PLPP4: variants seen among roughly 807,000 people sequenced by gnomAD.
PLPP4 encodes the protein diacylglycerol pyrophosphate like 2.
A neutral mutation model predicts 32.2 loss-of-function variants in PLPP4; 20 were observed. The ratio of observed to expected loss-of-function variants is 0.62; its 90% CI spans 0.44 to 0.90. The LOEUF is 0.90. Among genes scored for constraint, PLPP4 ranks in the 40% least tolerant of loss-of-function variants. The pLI is 0.00. For synonymous variants in PLPP4, 127 were observed against 133.0 expected, an observed-to-expected ratio of 0.95 and a Z score of 0.31; for missense variants, 257 against 353.1, an observed-to-expected ratio of 0.73 and a Z score of 2.18.
At chr10:120,473,798 C>T (rs1589724173) in intron 1 of PLPP4, among the ~76,000 whole-genome samples, 2 of 152,098 alleles carry the variant, frequency 1.3e-5, no homozygotes, top group African/African-American at 2.4e-5. Context: ...TGCCAGGTGA[C>T]GATGTGCTCG....
chr10:120,579,586 T>C (rs1285995476), intron 6 of PLPP4, among the ~76,000 whole-genome samples: 1 of 152,238 alleles, frequency 6.6e-6, no homozygotes, highest in African/African-American at 2.4e-5. Context: ...AAAATACTTC[T>C]GGCCTCAAGA....
rs531948596 is a variant in PLPP4 at position 120,516,592 on chromosome 10, A to G, written c.257-2241A>G. On this transcript the variant is annotated intron_variant, in intron 3 of 6. Coordinates refer to ENST00000398250, the MANE Select transcript of PLPP4 (RefSeq NM_001030059.3). ...GCGTCCTGAGTACAGGCTGCTTACA[A>G]GCCGACTCACGGGACATGTTGCTTT... Among the ~76,000 whole-genome samples, 44 of 152,366 alleles carry G rather than the reference A, an allele frequency of 2.9e-4. 1 individual carries two copies. In the South Asian group the frequency reaches 5.8e-3, roughly 20 times the overall value.
At chr10:120,542,134 G>A (rs1039935215) in intron 5 of PLPP4, among the ~76,000 whole-genome samples, 5 of 152,184 alleles carry the variant, frequency 3.3e-5, no homozygotes, top group African/African-American at 1.2e-4. Flanking sequence ...CTAGCCTCCA[G>A]CTTGGAGGTG....
chr10:120,478,131 A>G (rs1844022108), intron 1 of PLPP4, among the ~76,000 whole-genome samples: 1 of 152,166 alleles, frequency 6.6e-6, no homozygotes, highest in South Asian at 2.1e-4. Flanking sequence ...TGGACCAAGG[A>G]GGGAGATGGC....
At chr10:120,479,857 C>A (rs1201745625) in intron 1 of PLPP4, among the ~76,000 whole-genome samples, 1 of 152,152 alleles carries the variant, frequency 6.6e-6, no homozygotes, top group Non-Finnish European at 1.5e-5. Context: ...GTATGAGGTC[C>A]TTTTCCATGA....
intron 1 of PLPP4, among the ~76,000 whole-genome samples, chr10:120,477,916 C>T (rs904702347): frequency 4.6e-5 from 7 of 152,104 alleles, no homozygotes; most frequent in African/African-American, 7.2e-5. Context: ...CTTGTCTGGC[C>T]GACATGCAGA....
chr10:120,505,075 A>G (rs1845432986), intron 2 of PLPP4, among the ~76,000 whole-genome samples: 1 of 152,250 alleles, frequency 6.6e-6, no homozygotes, highest in South Asian at 2.1e-4. Flanking sequence ...AGCTTAAGAA[A>G]TGGTGGTCTA....
At chr10:120,504,435 T>G (rs1474341061) in intron 2 of PLPP4, among the ~76,000 whole-genome samples, 1 of 152,190 alleles carries the variant, frequency 6.6e-6, no homozygotes, top group Non-Finnish European at 1.5e-5. Context: ...ATGAAAGATT[T>G]AAAGAAGCAA....
intron 5 of PLPP4, among the ~76,000 whole-genome samples, chr10:120,540,629 C>A (rs1426353745): frequency 2.0e-5 from 3 of 152,234 alleles, no homozygotes; most frequent in African/African-American, 7.2e-5. Context: ...CTGCTGGGCA[C>A]CCTTGGGCCC....
chr10:120,545,475 C>T lies in PLPP4; in HGVS notation c.445+24380C>T, dbSNP rs147547586. Among the ~76,000 whole-genome samples, 629 of 152,262 alleles carry T rather than the reference C, an allele frequency of 4.1e-3. 3 individuals are homozygous for T. Among genetic ancestry groups the T allele is most frequent in the African/African-American group, 0.014 (583 of 41,546 alleles). On this transcript the variant is annotated intron_variant, in intron 5 of 6. Coordinates refer to ENST00000398250, the MANE Select transcript of PLPP4 (RefSeq NM_001030059.3). The stretch of plus-strand genomic sequence containing the variant: ...TGGCCTCTGCTCACTTTTACCTTCT[C>T]ATAGCAGGCCCAGAAAAGGGCTTTG...
At chr10:120,472,866 A>G (rs1212068042) in intron 1 of PLPP4, among the ~76,000 whole-genome samples, 1 of 151,938 alleles carries the variant, frequency 6.6e-6, no homozygotes, top group Non-Finnish European at 1.5e-5. Flanking sequence ...TACTGATTCT[A>G]TTGTGTCTAT....
intron 1 of PLPP4, among the ~76,000 whole-genome samples, chr10:120,501,722 T>A (rs1036342611): frequency 1.1e-4 from 16 of 152,240 alleles, no homozygotes; most frequent in African/African-American, 3.6e-4. Flanking sequence ...TTTAGTTCAA[T>A]GCTGGGGACT....
intron 5 of PLPP4, among the ~76,000 whole-genome samples, chr10:120,550,986 TC>T (rs1847875978): frequency 6.6e-6 from 1 of 152,058 alleles, no homozygotes; most frequent in Non-Finnish European, 1.5e-5. Context: ...TATTTACAGT[TC>T]ATATGTCTCA....
intron 5 of PLPP4, among the ~76,000 whole-genome samples, chr10:120,529,842 C>G (rs977504009): frequency 6.6e-6 from 1 of 152,124 alleles, no homozygotes; most frequent in African/African-American, 2.4e-5. Context: ...ACCTGTAACC[C>G]TAGCTATTAG....
At chr10:120,488,758 C>T (rs1564790646) in intron 1 of PLPP4, among the ~76,000 whole-genome samples, 1 of 152,122 alleles carries the variant, frequency 6.6e-6, no homozygotes, top group African/African-American at 2.4e-5. Flanking sequence ...CACCCATTGT[C>T]CCACCCTCAC....
chr10:120,521,503 A>C (rs530823063), intron 5 of PLPP4, among the ~76,000 whole-genome samples: 2 of 152,370 alleles, frequency 1.3e-5, no homozygotes, highest in African/African-American at 4.8e-5. Context: ...ACATATATAC[A>C]TATACATACA....
chr10:120,553,169 A>G (rs1847988724), intron 5 of PLPP4, among the ~76,000 whole-genome samples: 1 of 152,190 alleles, frequency 6.6e-6, no homozygotes, highest in African/African-American at 2.4e-5. Context: ...ACTCTTTCTC[A>G]GTTACCATTG....
At chr10:120,545,789 C>T (rs926862548) in intron 5 of PLPP4, among the ~76,000 whole-genome samples, 1 of 152,138 alleles carries the variant, frequency 6.6e-6, no homozygotes, top group Non-Finnish European at 1.5e-5. Context: ...AGTATTGTTC[C>T]TGGGTTTATC....
intron 4 of PLPP4, among the ~76,000 whole-genome samples, chr10:120,520,174 A>G (rs1846092455): frequency 6.6e-6 from 1 of 152,122 alleles, no homozygotes; most frequent in Non-Finnish European, 1.5e-5. Flanking sequence ...AGGAGGCTCG[A>G]CTTCAGGCCC....
Sources: gnomAD v4.1 joint callset for allele counts (sites outside exome capture counted in the v4.1 genomes callset) on GRCh38, gnomAD v4.1.1 for gene constraint, MANE v1.5 for transcripts, NCBI Gene and HGNC (gene_info 2026-07-23, HGNC 2026-07-21) for gene names.